The following L3MBTL4 variants were observed in gnomAD, a reference collection of about 807,000 sequenced individuals.
L3MBTL4 encodes the protein lethal(3)malignant brain tumor-like protein 4.
Under a neutral mutation model 84.5 loss-of-function variants are expected in L3MBTL4, and 70 were observed. The ratio of observed to expected loss-of-function variants is 0.83; its 90% CI spans 0.68 to 1.01. The LOEUF (loss-of-function observed/expected upper bound fraction) is 1.01. Ranked by LOEUF, L3MBTL4 falls within the 50% of genes least tolerant of loss-of-function variation. The pLI is 0.00. For synonymous variants in L3MBTL4, 274 were observed against 259.8 expected (o/e 1.05, Z -0.52); for missense variants, 715 against 754.8 (o/e 0.95, Z 0.62).
intron 16 of L3MBTL4, among the ~76,000 whole-genome samples, chr18:5,994,553 A>G (rs576659233): frequency 1.2e-4 from 19 of 152,144 alleles, no homozygotes; most frequent in Non-Finnish European, 2.8e-4. Context: ...CACAGTTGCA[A>G]AGTTAATAAG....
At chr18:6,153,900 C>A (rs1373849456) in intron 13 of L3MBTL4, among the ~76,000 whole-genome samples, 1 of 152,138 alleles carries the variant, frequency 6.6e-6, no homozygotes, top group East Asian at 1.9e-4. Context: ...GTCAATTAAA[C>A]CCCTTCCTTT....
intron 5 of L3MBTL4, among the ~76,000 whole-genome samples, chr18:6,257,307 C>T (rs560083640): frequency 2.0e-4 from 31 of 151,898 alleles, no homozygotes; most frequent in Admixed American, 1.8e-3. Context: ...AGAAAGAAAC[C>T]CAAGTCAGGC....
chr18:6,126,878 C>A (rs2059712459), intron 14 of L3MBTL4, among the ~76,000 whole-genome samples: 1 of 152,168 alleles, frequency 6.6e-6, no homozygotes, highest in African/African-American at 2.4e-5. Context: ...AAAAATACAT[C>A]TGCAAGTTTA....
intron 5 of L3MBTL4, among the ~76,000 whole-genome samples, chr18:6,254,827 A>C (rs937097572): frequency 6.6e-6 from 1 of 152,188 alleles, no homozygotes; most frequent in Non-Finnish European, 1.5e-5. Context: ...TAAACATTTT[A>C]ATGTGCATCC....
intron 1 of L3MBTL4, among the ~76,000 whole-genome samples, chr18:6,401,678 G>C (rs1329739227): frequency 6.6e-6 from 1 of 152,214 alleles, no homozygotes; most frequent in Non-Finnish European, 1.5e-5. Flanking sequence ...GTAAAGGTGA[G>C]AGTCAATAGG....
At chr18:6,015,951 C>T (rs2054952442) in intron 16 of L3MBTL4, among the ~76,000 whole-genome samples, 1 of 152,194 alleles carries the variant, frequency 6.6e-6, no homozygotes, top group Admixed American at 6.5e-5. Flanking sequence ...CAGAGCAAGA[C>T]TCTGTCTCAA....
intron 4 of L3MBTL4, among the ~76,000 whole-genome samples, chr18:6,300,027 G>A (rs2050267839): frequency 6.6e-6 from 1 of 150,814 alleles, no homozygotes; most frequent in African/African-American, 2.5e-5. Flanking sequence ...TACATACACA[G>A]TTCTGTGTGG....
chr18:6,053,184 A>G (rs987992124), intron 16 of L3MBTL4, among the ~76,000 whole-genome samples: 1 of 152,238 alleles, frequency 6.6e-6, no homozygotes, highest in South Asian at 2.1e-4. Context: ...TTAGTAAAGC[A>G]TCTGCTTGCA....
In L3MBTL4 at chr18:6,312,056, T is replaced by A. The variant is rs1251236252; in HGVS notation, c.-90A>T. 1 of 154,088 alleles carries A rather than the reference T, an allele frequency of 6.5e-6. No homozygotes were observed. The highest frequency in any genetic ancestry group is 1.4e-5 in the Non-Finnish European group (1 of 69,376). The allele number at this position is 154,088 out of a possible 1,614,324, so 9.5% of individuals were successfully genotyped here. On this transcript the variant is annotated splice_region_variant and 5_prime_UTR_variant, in exon 2 of 19. Coordinates refer to ENST00000317931, the MANE Select transcript of L3MBTL4 (RefSeq NM_001330559.2). ...AGTCATACAAGGCATAGCATAGCAA[T>A]CTGAAACAGAAAATAAGAAAAAATT...
Position 6,414,838 on chromosome 18 carries a change from G to A in L3MBTL4, c.-128C>T, listed in dbSNP as rs1568628683. On this transcript the variant is annotated 5_prime_UTR_variant, in exon 1 of 19. Coordinates refer to ENST00000317931, the MANE Select transcript of L3MBTL4 (RefSeq NM_001330559.2). The surrounding 1 kb of genome is among the most constrained non-coding windows in gnomAD (Gnocchi z 5.4). ...GGCGCCTGCCCGCAACGCCGACCGA[G>A]CTACAGGCGGGGGGCGAGTCGGAGC... 1 of 150,918 alleles carries A rather than the reference G, an allele frequency of 6.6e-6. No individual in the cohort carries two copies. The highest frequency in any genetic ancestry group is 2.0e-4 in the East Asian group (1 of 5,106). 9.3% of individuals were successfully genotyped at this position (150,918 alleles called of 1,614,324 possible).
chr18:6,069,916 T>A (rs2057529447), intron 16 of L3MBTL4, among the ~76,000 whole-genome samples: 1 of 152,206 alleles, frequency 6.6e-6, no homozygotes, highest in South Asian at 2.1e-4. Context: ...AACAATAATT[T>A]AATTAAAAAT....
At chr18:6,402,340 G>A (rs534524706) in intron 1 of L3MBTL4, among the ~76,000 whole-genome samples, 1 of 152,130 alleles carries the variant, frequency 6.6e-6, no homozygotes, top group Non-Finnish European at 1.5e-5. Flanking sequence ...TCCTAAGTAC[G>A]CTTACAATTC....
chr18:6,054,059 AGAT>A (rs1376352132), intron 16 of L3MBTL4, among the ~76,000 whole-genome samples: 1 of 152,110 alleles, frequency 6.6e-6, no homozygotes, highest in Non-Finnish European at 1.5e-5. Flanking sequence ...CCTACCTGGG[AGAT>A]AGAGGCTCTC....
chr18:6,064,261 C>G (rs966914147), intron 16 of L3MBTL4, among the ~76,000 whole-genome samples: 2 of 152,146 alleles, frequency 1.3e-5, no homozygotes, highest in East Asian at 1.9e-4. Context: ...ATAATTACAG[C>G]CTTGTAGTAT....
At chr18:6,351,815 T>G (rs956893666) in intron 1 of L3MBTL4, among the ~76,000 whole-genome samples, 14 of 152,276 alleles carry the variant, frequency 9.2e-5, no homozygotes, top group Non-Finnish European at 2.1e-4. Context: ...CCTCCCAAAG[T>G]GCTGGGATTA....
intron 18 of L3MBTL4, 97 bp from the exon 19 acceptor site, chr18:5,956,484 G>A (rs3737357): frequency 8.7e-5 from 95 of 1,092,962 alleles, no homozygotes; most frequent in Non-Finnish European, 1.2e-4. Flanking sequence ...TGTGGAACCC[G>A]TCATAGCCTC....
chr18:6,405,420 C>A (rs2055687405), intron 1 of L3MBTL4, among the ~76,000 whole-genome samples: 1 of 152,244 alleles, frequency 6.6e-6, no homozygotes, highest in African/African-American at 2.4e-5. Flanking sequence ...ACAAACAGCT[C>A]CTGATGTACC....
chr18:6,014,314 C>T (rs954735458), intron 16 of L3MBTL4, among the ~76,000 whole-genome samples: 2 of 152,170 alleles, frequency 1.3e-5, no homozygotes, highest in South Asian at 2.1e-4. Flanking sequence ...TTTGAAGAAG[C>T]CTGATTTTCA....
chr18:6,085,925 T>A (rs2058244352), intron 15 of L3MBTL4, among the ~76,000 whole-genome samples: 2 of 152,304 alleles, frequency 1.3e-5, no homozygotes, highest in South Asian at 4.1e-4. Flanking sequence ...AATGAGAAAT[T>A]CTTAATTTCT....
Sources: gnomAD v4.1 joint callset for allele counts (sites outside exome capture counted in the v4.1 genomes callset) on GRCh38, gnomAD v4.1.1 for gene constraint, Gnocchi (gnomAD v3.1) non-coding constraint, MANE v1.5 for transcripts, NCBI Gene and HGNC (gene_info 2026-07-23, HGNC 2026-07-21) for gene names.